The following CFAP43 variants were observed in gnomAD, a reference collection of about 807,000 sequenced individuals.
CFAP43 encodes cilia and flagella associated protein 43, also known as cilia- and flagella-associated protein 43.
Under a neutral mutation model 218.9 loss-of-function variants are expected in CFAP43, and 155 were observed. That is an observed-to-expected ratio of 0.71 (90% CI 0.62 to 0.81). The LOEUF (loss-of-function observed/expected upper bound fraction) is 0.81. Ranked by LOEUF, CFAP43 falls within the 30% of genes least tolerant of loss-of-function variation. The pLI is 0.00. For missense variants in CFAP43, 1,778 were observed against 1,954.3 expected (o/e 0.91, Z 1.70); for synonymous variants, 645 against 681.3 (o/e 0.95, Z 0.83).
intron 8 of CFAP43, 185 bp downstream of exon 8, chr10:104,203,487 C>A: frequency 2.0e-6 from 1 of 504,140 alleles, no homozygotes; most frequent in East Asian, 3.4e-5. Context: ...GTTACATGCA[C>A]AAAAATAAAC....
chr10:104,218,894 G>T, intron 3 of CFAP43: 1 of 495,098 alleles, frequency 2.0e-6, no homozygotes, highest in East Asian at 5.9e-5. Context: ...GCATGACAGC[G>T]GGAGACTGGA....
At chr10:104,171,603 T>C (rs1284136837) in intron 20 of CFAP43, among the ~76,000 whole-genome samples, 2 of 152,244 alleles carry the variant, frequency 1.3e-5, no homozygotes. Flanking sequence ...TGTGTTTTTA[T>C]ATTTGCACAT....
At position 104,142,288 on chromosome 10, in the gene CFAP43, G is replaced by C; in HGVS notation, c.4264C>G (p.Leu1422Val). 1 of 1,612,354 alleles carries C rather than the reference G, an allele frequency of 6.2e-7. No individual in the cohort carries two copies. Among genetic ancestry groups the C allele is most frequent in the Non-Finnish European group, 8.5e-7 (1 of 1,179,008 alleles). Residue 1422 changes from leucine (L) to valine (V), a missense_variant, in exon 33 of 38, where the codon CTC becomes GTC. Transcript: ENST00000357060. Reference sequence around the variant, plus strand: ...AAGAAAGCTTCAAATTACAGGATGAGTTCATGGAACACTCTCTCAATCTCC... The same window carrying C: ...AAGAAAGCTTCAAATTACAGGATGACTTCATGGAACACTCTCTCAATCTCC... ...QQEIERVFHELILLQEEKVRF... is the reference protein window; with the variant it reads ...QQEIERVFHEVILLQEEKVRF...
intron 16 of CFAP43, among the ~76,000 whole-genome samples, chr10:104,184,244 G>T (rs570472178): frequency 6.6e-6 from 1 of 152,118 alleles, no homozygotes; most frequent in East Asian, 1.9e-4. Flanking sequence ...GATGATAATA[G>T]TACCTCCCTA....
At chr10:104,130,809 C>G (rs895022607) in intron 37 of CFAP43, among the ~76,000 whole-genome samples, 2 of 151,648 alleles carry the variant, frequency 1.3e-5, no homozygotes, top group African/African-American at 4.8e-5. Context: ...GCCAGCCTGG[C>G]CAACATGGCA....
intron 13 of CFAP43, 41 bp downstream of exon 13, chr10:104,188,229 C>G (rs2090093647): frequency 3.7e-6 from 6 of 1,601,560 alleles, no homozygotes; most frequent in Non-Finnish European, 5.1e-6. Context: ...AACAATGTAT[C>G]TGGGCTCAGG....
chr10:104,197,013 G>T, intron 9 of CFAP43, 80 bp from the exon 10 acceptor site: 2 of 1,119,704 alleles, frequency 1.8e-6, no homozygotes, highest in Non-Finnish European at 2.6e-6. Flanking sequence ...CCTTTCCAGT[G>T]TGCCAATGAT....
chr10:104,147,775 G>T (rs1228080944), intron 29 of CFAP43, 116 bp downstream of exon 29: 3 of 571,750 alleles, frequency 5.2e-6, no homozygotes, highest in Non-Finnish European at 8.3e-6. Flanking sequence ...GATGCACATG[G>T]TTATGTAGGA....
chr10:104,228,946 T>A (rs549574875), intron 2 of CFAP43, among the ~76,000 whole-genome samples: 1 of 152,358 alleles, frequency 6.6e-6, no homozygotes, highest in Admixed American at 6.5e-5. Context: ...TTAATATTAC[T>A]GATTAGTATT....
chr10:104,174,169 A>C (rs2089524013), intron 19 of CFAP43, among the ~76,000 whole-genome samples: 2 of 152,270 alleles, frequency 1.3e-5, no homozygotes, highest in Admixed American at 1.3e-4. Flanking sequence ...TAACATTCAC[A>C]TATACCAATA....
At chr10:104,218,871 GA>G in intron 3 of CFAP43, 1 of 504,428 alleles carries the variant, frequency 2.0e-6, no homozygotes, top group Non-Finnish European at 4.1e-6. Context: ...AACACCCTAG[GA>G]ACAGCCGAGC....
chr10:104,182,328 A>C, intron 17 of CFAP43, 38 bp downstream of exon 17: 1 of 1,493,338 alleles, frequency 6.7e-7, no homozygotes, highest in Non-Finnish European at 8.9e-7. Context: ...ACAAAGAAAG[A>C]AATGTAAGCA....
rs370045645 is a variant in CFAP43 at position 104,147,915 on chromosome 10, G to A, written c.3744C>T (p.Tyr1248=). 105 of 1,599,050 alleles carry A rather than the reference G, an allele frequency of 6.6e-5. No homozygotes were observed. The highest frequency in any genetic ancestry group is 8.4e-5 in the Non-Finnish European group (98 of 1,173,112). Residue 1248 remains tyrosine, a synonymous_variant, in exon 29 of 38, where the codon TAC becomes TAT. Transcript: ENST00000357060. ...CTTTCTCGTGCTGTTTCCTTGTAAG[G>A]TAGTTGTTCAGGAATTTTTCTCTAG... ...LSSREKFLNN[Y]LTRKQHEKSQ...
In CFAP43 at chr10:104,224,130, G is replaced by A. The variant is rs536089702; in HGVS notation, c.416+1331C>T. Among the ~76,000 whole-genome samples the A allele has an allele frequency of 7.6e-4, 116 of 152,182 alleles. 1 individual carries two copies. Among genetic ancestry groups the A allele is most frequent in the Non-Finnish European group, 1.5e-3 (99 of 68,004 alleles). On this transcript the variant is annotated intron_variant, in intron 3 of 37. Transcript: ENST00000357060. The stretch of plus-strand genomic sequence containing the variant: ...GCAATCTCAGCTCACTGCAAGCTCC[G>A]CCTCCCGGGTTCACGCCATTCTCCT...
rs1248118375 is a variant in CFAP43, at chr10:104,179,037, A to C, written c.2452T>G (p.Ser818Ala). ...GAAATTACAACACTTACAGTTTTGGAAAGTGATTTGATTCCTTGTTTTATC... is the reference window on the plus strand; with the variant it reads ...GAAATTACAACACTTACAGTTTTGGCAAGTGATTTGATTCCTTGTTTTATC... ...KEIKQGIKSL[S>A]KTILNMMEEN... is the part of the protein sequence containing the mutation. The change falls in exon 19 of 38, where the codon TCC (serine) becomes GCC (alanine). Residue 818 changes from serine to alanine, a missense_variant. Physicochemically the swap from Ser to Ala is moderately conservative, Grantham distance 99. Transcript: ENST00000357060. 3 of 1,611,364 alleles carry C rather than the reference A, an allele frequency of 1.9e-6. No homozygotes were observed. Among genetic ancestry groups the C allele is most frequent in the Admixed American group, 1.7e-5 (1 of 59,868 alleles).
At chr10:104,142,205 C>T in intron 33 of CFAP43, 76 bp downstream of exon 33, 1 of 1,228,626 alleles carries the variant, frequency 8.1e-7, no homozygotes, top group Non-Finnish European at 1.2e-6. Context: ...TAGGCATTCT[C>T]CCCAGTGATA....
intron 11 of CFAP43, 25 bp from the exon 12 acceptor site, chr10:104,192,327 C>T (rs2090252690): frequency 1.3e-6 from 2 of 1,550,234 alleles, no homozygotes; most frequent in East Asian, 4.5e-5. Flanking sequence ...ATCTGATGAT[C>T]AAATCCCAAT....
At chr10:104,164,429 G>A (rs1208188394) in intron 23 of CFAP43, 129 bp from the exon 24 acceptor site, 6 of 689,142 alleles carry the variant, frequency 8.7e-6, no homozygotes, top group East Asian at 2.9e-5. Flanking sequence ...ATGCAGTCTC[G>A]CTTTGTTGTC....
At chr10:104,198,264 TTCA>T (rs1399591794) in intron 8 of CFAP43, among the ~76,000 whole-genome samples, 1 of 152,180 alleles carries the variant, frequency 6.6e-6, no homozygotes, top group Admixed American at 6.5e-5. Flanking sequence ...CATTCACTTA[TTCA>T]TCATTTTATT....
Sources: gnomAD v4.1 joint callset for allele counts (sites outside exome capture counted in the v4.1 genomes callset) on GRCh38, gnomAD v4.1.1 for gene constraint, MANE v1.5 for transcripts, NCBI Gene and HGNC (gene_info 2026-07-23, HGNC 2026-07-21) for gene names.